XYLB: variants seen among roughly 807,000 people sequenced by gnomAD.
The protein encoded by XYLB is xylulokinase.
In XYLB, 62 loss-of-function variants were observed where a neutral mutation model predicts 78.7. The ratio of observed to expected loss-of-function variants is 0.79; its 90% CI spans 0.64 to 0.97. The LOEUF (loss-of-function observed/expected upper bound fraction) is 0.97, where lower values mean the gene tolerates loss of function less well. Ranked by LOEUF, XYLB falls within the 50% of genes least tolerant of loss-of-function variation. The pLI is 0.00. For synonymous variants in XYLB, 245 were observed against 247.4 expected (o/e 0.99, Z 0.09); for missense variants, 687 against 676.8 (o/e 1.02, Z -0.17).
chr3:38,441,576 A>G, the XYLB span, among the ~76,000 whole-genome samples: 3 of 152,194 alleles, frequency 2.0e-5, no homozygotes, highest in African/African-American at 7.2e-5. Context: ...GGCTGCACAC[A>G]TGCATATTTG....
At chr3:38,411,966 A>G (rs1559622818) in intron 18 of XYLB, among the ~76,000 whole-genome samples, 1 of 149,516 alleles carries the variant, frequency 6.7e-6, no homozygotes, top group East Asian at 2.0e-4. Flanking sequence ...TTTTGTCTGT[A>G]TGATGTGGAT....
chr3:38,376,923 T>A lies in XYLB; in HGVS notation c.1126T>A (p.Tyr376Asn), dbSNP rs1398935739. 14 of 1,613,620 alleles carry A rather than the reference T, an allele frequency of 8.7e-6. No homozygotes were observed. The highest frequency in any genetic ancestry group is 1.7e-5 in the Admixed American group (1 of 59,950). ...TCTTCCTGGTTTTATTTCAGGTTTT[T>A]ATTTTGATGTAATGGAGATCACCCC... The part of the protein sequence containing the change: ...EMGNGGNLGF[Y>N]FDVMEITPEI... The change falls in exon 14 of 19, where the codon TAT becomes AAT. Residue 376 changes from tyrosine to asparagine, a missense_variant. By Grantham distance (143) the Tyr-to-Asn change is moderately radical (BLOSUM62 -2). Transcript: ENST00000207870.
At chr3:38,414,986 G>GA (rs1708739470), downstream of XYLB, 2 of 152,070 alleles carry the variant, frequency 1.3e-5, no homozygotes, top group African/African-American at 4.8e-5. Flanking sequence ...GAAAACAAAA[G>GA]AAAACCTTAA....
At chr3:38,421,248 C>G (rs983441063), downstream of XYLB, 2 of 152,566 alleles carry the variant, frequency 1.3e-5, no homozygotes, top group Non-Finnish European at 2.9e-5. Flanking sequence ...CCGAGCTGGT[C>G]TCGGCAAGTG....
intron 18 of XYLB, among the ~76,000 whole-genome samples, chr3:38,402,116 GC>G (rs1045502981): frequency 1.3e-5 from 2 of 152,028 alleles, no homozygotes; most frequent in African/African-American, 4.8e-5. Context: ...TGCAAAGTGG[GC>G]CCAGGTGGAT....
chr3:38,403,956 G>A (rs910435562), intron 18 of XYLB, among the ~76,000 whole-genome samples: 4 of 152,128 alleles, frequency 2.6e-5, no homozygotes, highest in African/African-American at 9.7e-5. Flanking sequence ...GTCAGCGTAT[G>A]TGACTTATAT....
intron 15 of XYLB, among the ~76,000 whole-genome samples, chr3:38,386,054 A>T (rs1707371274): frequency 6.6e-6 from 1 of 152,140 alleles, no homozygotes; most frequent in Non-Finnish European, 1.5e-5. Context: ...GTTCAACCCT[A>T]TACACTCTAC....
intron 2 of XYLB, among the ~76,000 whole-genome samples, chr3:38,359,910 C>T (rs1705875234): frequency 1.3e-5 from 2 of 152,090 alleles, no homozygotes; most frequent in African/African-American, 2.4e-5. Flanking sequence ...GGAGAGGGTT[C>T]CAGTCAAACT....
At chr3:38,410,708 A>T (rs1432532311) in intron 18 of XYLB, among the ~76,000 whole-genome samples, 1 of 152,162 alleles carries the variant, frequency 6.6e-6, no homozygotes, top group Non-Finnish European at 1.5e-5. Context: ...ACCCCATCAA[A>T]AAGTGGGTGA....
intron 4 of XYLB, among the ~76,000 whole-genome samples, 163 bp from the exon 5 acceptor site, chr3:38,365,036 G>A (rs996459016): frequency 3.3e-5 from 5 of 152,188 alleles, no homozygotes; most frequent in Non-Finnish European, 5.9e-5. Flanking sequence ...TTCTTGAAGT[G>A]GAAACCAAGT....
the XYLB span, among the ~76,000 whole-genome samples, chr3:38,439,413 C>T: frequency 6.6e-6 from 1 of 152,196 alleles, no homozygotes; most frequent in African/African-American, 2.4e-5. Context: ...AAGATGGCTG[C>T]ACAGGACCTA....
At chr3:38,397,912 G>A (rs1196684887) in intron 17 of XYLB, among the ~76,000 whole-genome samples, 3 of 148,386 alleles carry the variant, frequency 2.0e-5, no homozygotes, top group Admixed American at 6.8e-5. Context: ...TCTGCCTCCC[G>A]GGTTCACACC....
the XYLB span, chr3:38,451,974 G>A: frequency 6.6e-6 from 1 of 152,178 alleles, no homozygotes; most frequent in Non-Finnish European, 1.5e-5. Flanking sequence ...AGAGGAACCA[G>A]CCAATCTAAT....
At chr3:38,395,854 A>T (rs2125645595) in intron 16 of XYLB, among the ~76,000 whole-genome samples, 1 of 152,166 alleles carries the variant, frequency 6.6e-6, no homozygotes, top group South Asian at 2.1e-4. Flanking sequence ...ACCTTCTCAC[A>T]TCTAGTGCCA....
the XYLB span, among the ~76,000 whole-genome samples, chr3:38,434,738 T>C: frequency 3.3e-5 from 5 of 152,220 alleles, no homozygotes; most frequent in East Asian, 9.6e-4. Flanking sequence ...AAACAAAGAA[T>C]ATGCATAACA....
At chr3:38,363,241 T>C (rs1706071987) in intron 4 of XYLB, among the ~76,000 whole-genome samples, 2 of 152,214 alleles carry the variant, frequency 1.3e-5, no homozygotes, top group South Asian at 4.1e-4. Flanking sequence ...GTAAGTATTA[T>C]ATAAAATAGG....
chr3:38,367,246 T>A lies in XYLB; in HGVS notation c.573+373T>A, dbSNP rs113439814. 4.0e-4 allele frequency among the ~76,000 whole-genome samples: 61 copies of A among 152,160 alleles called. 2 individuals carry two copies. The highest frequency in any genetic ancestry group is 1.5e-3 in the African/African-American group (61 of 41,516). On this transcript the variant is annotated intron_variant, in intron 7 of 18. Coordinates refer to ENST00000207870, the MANE Select transcript of XYLB (RefSeq NM_005108.4). ...TACCAGGCACATGATTGGCATAGAG[T>A]CAGTGTTTTCTTTGGAAATGTATAG...
At chr3:38,429,173 A>G in the XYLB span, among the ~76,000 whole-genome samples, 2 of 152,174 alleles carry the variant, frequency 1.3e-5, no homozygotes, top group African/African-American at 2.4e-5. Flanking sequence ...CTGTAGCTTC[A>G]TGTGGGCTTG....
At chr3:38,368,093 A>C in intron 7 of XYLB, 92 bp from the exon 8 acceptor site, 1 of 1,286,486 alleles carries the variant, frequency 7.8e-7, no homozygotes, top group Non-Finnish European at 1.1e-6. Context: ...TTCCCTCTCC[A>C]ATTTTTTTTC....
Sources: allele counts gnomAD v4.1 joint callset (sites outside exome capture counted in the v4.1 genomes callset), GRCh38; gene constraint gnomAD v4.1.1; transcripts MANE v1.5; gene names NCBI Gene and HGNC (gene_info 2026-07-23, HGNC 2026-07-21).